The following NAV2 variants were observed in gnomAD, a reference collection of about 807,000 sequenced individuals.
NAV2 encodes neuron navigator 2, also known as helicase, APC down-regulated 1.
A neutral mutation model predicts 223.2 loss-of-function variants in NAV2; 54 were observed. The ratio of observed to expected loss-of-function variants is 0.24; its 90% CI spans 0.19 to 0.30. NAV2 has a LOEUF of 0.30. NAV2 is among the 10% of genes least tolerant of loss of function. The probability of loss-of-function intolerance (pLI) is 1.00; values close to 1 mark genes in which losing one functional copy is unlikely to be tolerated. For missense variants in NAV2, 2,806 were observed against 3,147.5 expected (o/e 0.89, Z 2.60); for synonymous variants, 1,279 against 1,239.3 (o/e 1.03, Z -0.67).
At chr11:19,928,587 A>C (rs911946121) in intron 6 of NAV2, among the ~76,000 whole-genome samples, 1 of 152,122 alleles carries the variant, frequency 6.6e-6, no homozygotes, top group Non-Finnish European at 1.5e-5. Context: ...CTTCCCCCAA[A>C]CTGGTTTTCA....
intron 10 of NAV2, among the ~76,000 whole-genome samples, chr11:19,969,238 C>T (rs1029146826): frequency 2.6e-5 from 4 of 152,178 alleles, no homozygotes; most frequent in Non-Finnish European, 4.4e-5. Flanking sequence ...AAATGAAACT[C>T]GCTTCAGCTC....
At chr11:19,429,279 ACTTCTT>A (rs748154267) in intron 1 of NAV2, among the ~76,000 whole-genome samples, 8,615 of 152,274 alleles carry the variant, frequency 0.057, 309 homozygotes, top group South Asian at 0.086. Context: ...TTTACTGGGC[ACTTCTT>A]GGCACGGCCA....
rs115915760 is a variant in NAV2, at chr11:19,493,896, A to G, written c.75+142869A>G. Among the ~76,000 whole-genome samples, 787 of 152,350 alleles carry G rather than the reference A, an allele frequency of 5.2e-3. 3 individuals are homozygous for G. The highest frequency in any genetic ancestry group is 0.018 in the African/African-American group (760 of 41,576). ...CCTTAAAAAGAAAGGCCCGAAAGAAAGCAATGTATCAGACCAATAGCTGCC... is the reference window on the plus strand; with the variant it reads ...CCTTAAAAAGAAAGGCCCGAAAGAAGGCAATGTATCAGACCAATAGCTGCC... On this transcript the variant is annotated intron_variant, in intron 1 of 37. Transcript: ENST00000360655.
chr11:19,786,765 T>C (rs2057146589), intron 1 of NAV2, among the ~76,000 whole-genome samples: 1 of 152,080 alleles, frequency 6.6e-6, no homozygotes, highest in Non-Finnish European at 1.5e-5. Context: ...TACTGTCCAG[T>C]TTACAACATA....
intron 1 of NAV2, among the ~76,000 whole-genome samples, chr11:19,478,391 G>A (rs1463719754): frequency 6.6e-6 from 1 of 152,166 alleles, no homozygotes; most frequent in African/African-American, 2.4e-5. Context: ...AGAGGATGAG[G>A]TGAGGGGAGT....
chr11:20,055,053 A>G (rs1353310171), intron 18 of NAV2, among the ~76,000 whole-genome samples: 3 of 152,248 alleles, frequency 2.0e-5, no homozygotes, highest in Non-Finnish European at 4.4e-5. Flanking sequence ...ATAGAGGGTG[A>G]GAAATCTTTT....
rs756079268 is a variant in NAV2, at chr11:19,713,846, A to C, written c.151A>C (p.Thr51Pro). Residue 51 changes from threonine to proline, a missense_variant, in exon 1 of 38, where the codon ACC (threonine) becomes CCC (proline). By Grantham distance (38) the Thr-to-Pro change is conservative. Transcript: ENST00000349880. This position sits in a 1 kb window ranked among gnomAD's most constrained non-coding sequence, Gnocchi z 7.2. ...AAGCAAGGTGGAGGTGAGCAAGACC[A>C]CCTATCCTAGCCAGATCCCCCTGAA... ...LGSKVEVSKTTYPSQIPLKSQ... is the reference protein window; with the variant it reads ...LGSKVEVSKTPYPSQIPLKSQ... 1 of 1,613,430 alleles carries C rather than the reference A, an allele frequency of 6.2e-7. No individual in the cohort carries two copies. Among genetic ancestry groups the C allele is most frequent in the Non-Finnish European group, 8.5e-7 (1 of 1,179,874 alleles).
chr11:19,661,604 G>A (rs1475635192), intron 1 of NAV2, among the ~76,000 whole-genome samples: 1 of 152,136 alleles, frequency 6.6e-6, no homozygotes, highest in East Asian at 1.9e-4. Context: ...TTGTGCTCTG[G>A]GACAAGTTCC....
chr11:19,520,725 G>T (rs2702715), intron 1 of NAV2, among the ~76,000 whole-genome samples: 62,737 of 152,048 alleles, frequency 0.41, 13,330 homozygotes, highest in African/African-American at 0.49. Flanking sequence ...ATTTCAGGAA[G>T]GGGGAACAGG....
chr11:19,401,331 C>T (rs1332925748), intron 1 of NAV2, among the ~76,000 whole-genome samples: 1 of 152,210 alleles, frequency 6.6e-6, no homozygotes, highest in Non-Finnish European at 1.5e-5. Context: ...GCGCCAGCAG[C>T]CACGAATTGC....
intron 1 of NAV2, among the ~76,000 whole-genome samples, chr11:19,655,183 C>T (rs916824119): frequency 5.9e-5 from 9 of 152,108 alleles, no homozygotes; most frequent in Non-Finnish European, 1.0e-4. Flanking sequence ...AAATCAAAAC[C>T]GCAATGAGAT....
intron 1 of NAV2, among the ~76,000 whole-genome samples, chr11:19,609,323 A>C (rs2046567539): frequency 6.6e-6 from 1 of 152,320 alleles, no homozygotes; most frequent in East Asian, 1.9e-4. Context: ...AAAAATTGAA[A>C]TTGAGAGTTG....
chr11:19,612,961 G>T (rs1229617516), intron 1 of NAV2, among the ~76,000 whole-genome samples: 1 of 152,174 alleles, frequency 6.6e-6, no homozygotes, highest in Non-Finnish European at 1.5e-5. Context: ...TGGACTTATA[G>T]TTCCATATGG....
chr11:19,697,825 C>G (rs1259659506), intron 1 of NAV2, among the ~76,000 whole-genome samples: 1 of 152,236 alleles, frequency 6.6e-6, no homozygotes, highest in East Asian at 1.9e-4. Flanking sequence ...GCTCTGACAG[C>G]AGCTCCGTGC....
chr11:19,463,730 G>C (rs1396157300), intron 1 of NAV2, among the ~76,000 whole-genome samples: 1 of 152,186 alleles, frequency 6.6e-6, no homozygotes, highest in Non-Finnish European at 1.5e-5. Context: ...GGTGATGAGG[G>C]AGAAGGGCAA....
At chr11:19,947,531 A>G (rs1361238334) in intron 9 of NAV2, among the ~76,000 whole-genome samples, 3 of 152,194 alleles carry the variant, frequency 2.0e-5, no homozygotes, top group African/African-American at 7.2e-5. Context: ...ATGTTGGCAT[A>G]GCAGTTTGAC....
intron 1 of NAV2, among the ~76,000 whole-genome samples, chr11:19,682,199 A>G (rs978248424): frequency 2.6e-5 from 4 of 152,172 alleles, no homozygotes; most frequent in Non-Finnish European, 5.9e-5. Flanking sequence ...GGGAATCTGG[A>G]GAGGGAGGAA....
At position 20,045,508 on chromosome 11, in the gene NAV2, A is replaced by G. The variant is rs201267034; in HGVS notation, c.3740A>G (p.Asn1247Ser). 1 of 1,614,172 alleles carries G rather than the reference A, an allele frequency of 6.2e-7. No individual in the cohort carries two copies. The highest frequency in any genetic ancestry group is 8.5e-7 in the Non-Finnish European group (1 of 1,180,022). Residue 1247 changes from asparagine (N) to serine (S), a missense_variant, in exon 14 of 38, where the codon AAC becomes AGC. Around this residue, in one of 4 missense-constraint regions of NAV2, gnomAD observed 742 missense variants for 777.9 expected, o/e 0.95. Transcript: ENST00000349880. ...ALGSSLPGLV[N>S]QTDKEKGISS... is the part of the protein sequence containing the mutation. ...GGCAGCTCTCTACCAGGTCTGGTCA[A>G]CCAAACAGACAAGGAGAAAGGCATC...
chr11:19,846,916 T>C (rs1008105989), intron 3 of NAV2, among the ~76,000 whole-genome samples: 2 of 152,188 alleles, frequency 1.3e-5, no homozygotes, highest in African/African-American at 2.4e-5. Flanking sequence ...CCAGATGCTT[T>C]TGGGGCCAAA....
Sources: gnomAD v4.1 joint callset for allele counts (sites outside exome capture counted in the v4.1 genomes callset) on GRCh38, gnomAD v4.1.1 for gene constraint, gnomAD v4.1.1 regional missense constraint, Gnocchi (gnomAD v3.1) non-coding constraint, MANE v1.5 for transcripts, NCBI Gene and HGNC (gene_info 2026-07-23, HGNC 2026-07-21) for gene names.